Variants in HEATR1 observed in about 807,000 individuals in gnomAD.
HEATR1 encodes HEAT repeat-containing protein 1.
Under a neutral mutation model 248.2 loss-of-function variants are expected in HEATR1, and 77 were observed. That is an observed-to-expected ratio of 0.31 (90% CI 0.26 to 0.37). The LOEUF (loss-of-function observed/expected upper bound fraction) is 0.37, where lower values mean the gene tolerates loss of function less well. Ranked by LOEUF, HEATR1 falls within the 10% of genes least tolerant of loss-of-function variation. The pLI, the probability that HEATR1 is intolerant of heterozygous loss-of-function variation, is 1.00. For missense variants in HEATR1, 2,420 were observed against 2,504.9 expected (o/e 0.97, Z 0.72); for synonymous variants, 897 against 923.1 (o/e 0.97, Z 0.51).
In HEATR1 at chr1:236,604,132, A is replaced by C. The variant is rs568978734; in HGVS notation, c.-32-5T>G. The C allele has an allele frequency of 1.7e-5, 26 of 1,536,598 alleles. No individual in the cohort carries two copies. In the South Asian group the frequency reaches 2.4e-4, roughly 14 times the overall value. ...GCGGAGTTTTAATGACACGGGCTAA[A>C]AAAACGTAAGCACTTTGATAAGTTT... On this transcript the variant is annotated splice_polypyrimidine_tract_variant and splice_region_variant and intron_variant, in intron 1 of 44. Transcript: ENST00000366582.
intron 35 of HEATR1, 136 bp downstream of exon 35, chr1:236,558,859 C>CATGT (rs2103126113): frequency 1.3e-6 from 1 of 796,584 alleles, no homozygotes; most frequent in East Asian, 2.6e-5. Flanking sequence ...CATTTTAAAA[C>CATGT]ATGTCATGGT....
intron 32 of HEATR1, among the ~76,000 whole-genome samples, chr1:236,562,922 GAAT>G (rs201084338): frequency 0.019 from 2,051 of 109,366 alleles, 25 homozygotes; most frequent in Non-Finnish European, 0.037. Flanking sequence ...CTAATTTGAG[GAAT>G]AACAATATTA....
chr1:236,557,026 G>A (rs1662996767), intron 37 of HEATR1, among the ~76,000 whole-genome samples, 169 bp downstream of exon 37: 1 of 152,178 alleles, frequency 6.6e-6, no homozygotes, highest in Non-Finnish European at 1.5e-5. Flanking sequence ...CAAGGATGAT[G>A]GAAGAGAAAA....
chr1:236,575,047 G>T, intron 22 of HEATR1, 144 bp from the exon 23 acceptor site: 1 of 713,376 alleles, frequency 1.4e-6, no homozygotes, highest in Non-Finnish European at 2.3e-6. Context: ...TAGACATGGA[G>T]ACAGCTATTA....
At chr1:236,553,901 A>G (rs997978991) in intron 42 of HEATR1, among the ~76,000 whole-genome samples, 162 bp from the exon 43 acceptor site, 3 of 152,208 alleles carry the variant, frequency 2.0e-5, no homozygotes, top group African/African-American at 7.2e-5. Context: ...ATTGCCTTCT[A>G]GAACTCAAAT....
chr1:236,587,827 G>A, intron 13 of HEATR1, 121 bp downstream of exon 13: 1 of 656,836 alleles, frequency 1.5e-6, no homozygotes, highest in Non-Finnish European at 2.6e-6. Context: ...GCTCTCCAGA[G>A]AACAAATTTC....
intron 28 of HEATR1, among the ~76,000 whole-genome samples, chr1:236,570,474 T>C (rs1663397799): frequency 6.6e-6 from 1 of 151,928 alleles, no homozygotes; most frequent in Non-Finnish European, 1.5e-5. Flanking sequence ...GTGCTGGTGG[T>C]GACGGTGGCA....
chr1:236,582,266 G>A (rs10925165), intron 19 of HEATR1, among the ~76,000 whole-genome samples: 80,692 of 151,616 alleles, frequency 0.53, 23,494 homozygotes, highest in Non-Finnish European at 0.65. Context: ...CACCACACCC[G>A]GCTAATTTTT....
chr1:236,583,186 G>A lies in HEATR1; in HGVS notation c.2252C>T (p.Ser751Leu). Residue 751 changes from serine to leucine, a missense_variant, in exon 18 of 45, where the codon TCA (serine) becomes TTA (leucine). By Grantham distance (145) the Ser-to-Leu change is moderately radical. Transcript: ENST00000366582. ...ESVITAVEIP[S>L]EWHIELMLDR... ...TAACATCAGTTCAATGTGCCATTCT[G>A]AGGGGATTTCCTGAAATGTTAAAGG... is the stretch of plus-strand genomic sequence containing the variant. The A allele has an allele frequency of 6.3e-7, 1 of 1,588,668 alleles. No individual in the cohort carries two copies. Among genetic ancestry groups the A allele is most frequent in the Non-Finnish European group, 8.6e-7 (1 of 1,169,212 alleles).
chr1:236,593,359 C>T (rs1203455366), intron 9 of HEATR1, among the ~76,000 whole-genome samples: 1 of 152,076 alleles, frequency 6.6e-6, no homozygotes, highest in African/African-American at 2.4e-5. Flanking sequence ...AACATTACTA[C>T]ACGTGTATAC....
chr1:236,550,562 C>T lies in HEATR1; in HGVS notation c.*340G>A, dbSNP rs1231196932. Reference sequence around the variant, plus strand: ...TGCTGTACAGAAGAGTTAAGGCTTACAGTGCAAATGAGGCGTCAGCTTTGG... The same window carrying T: ...TGCTGTACAGAAGAGTTAAGGCTTATAGTGCAAATGAGGCGTCAGCTTTGG... On this transcript the variant is annotated 3_prime_UTR_variant, in exon 45 of 45. Coordinates refer to ENST00000366582, the MANE Select transcript of HEATR1 (RefSeq NM_018072.6). The T allele has an allele frequency of 1.4e-5, 3 of 221,028 alleles. No individual in the cohort carries two copies. The highest frequency in any genetic ancestry group is 2.3e-5 in the African/African-American group (1 of 43,738). 13.7% of individuals were successfully genotyped at this position (221,028 alleles called of 1,614,324 possible).
rs1662675117 is a variant in HEATR1, at chr1:236,550,426, G to A, written c.*476C>T. The A allele has an allele frequency of 6.6e-6, 1 of 152,568 alleles. No individual in the cohort carries two copies. 9.5% of individuals were successfully genotyped at this position (152,568 alleles called of 1,614,324 possible). A position where few individuals can be genotyped will look rare whatever the true frequency, so the allele number is the denominator to read the frequency against. ...GAAGTTCGCCTACCCAAAATGAAAAGTAGGCTTTACAGTCAAAAGTACTTC... is the reference window on the plus strand; with the variant it reads ...GAAGTTCGCCTACCCAAAATGAAAAATAGGCTTTACAGTCAAAAGTACTTC... On this transcript the variant is annotated 3_prime_UTR_variant, in exon 45 of 45. Transcript: ENST00000366582.
intron 15 of HEATR1, 89 bp downstream of exon 15, chr1:236,586,152 A>T (rs372590177): frequency 1.1e-5 from 1 of 92,030 alleles, no homozygotes; most frequent in Non-Finnish European, 1.8e-5. Flanking sequence ...ACTGGCATAT[A>T]AGCATGACCA....
chr1:236,597,065 C>T, intron 5 of HEATR1, 89 bp from the exon 6 acceptor site: 3 of 1,221,544 alleles, frequency 2.5e-6, no homozygotes, highest in Non-Finnish European at 3.4e-6. Context: ...GCTGAGATTT[C>T]AATGAACTAT....
At chr1:236,561,809 A>C (rs186972440) in intron 32 of HEATR1, among the ~76,000 whole-genome samples, 1 of 152,334 alleles carries the variant, frequency 6.6e-6, no homozygotes, top group East Asian at 1.9e-4. Context: ...ACTGCATATG[A>C]TATTCCTCTA....
intron 42 of HEATR1, 84 bp from the exon 43 acceptor site, chr1:236,553,823 T>G: frequency 2.9e-6 from 4 of 1,403,252 alleles, no homozygotes; most frequent in Non-Finnish European, 2.9e-6. Context: ...ACAAATATTT[T>G]ACTATCTTTC....
At chr1:236,569,555 A>C (rs1477370694) in intron 28 of HEATR1, among the ~76,000 whole-genome samples, 2 of 152,180 alleles carry the variant, frequency 1.3e-5, no homozygotes, top group Non-Finnish European at 2.9e-5. Context: ...CATTTCTTCA[A>C]AGAAAAAATT....
chr1:236,576,671 A>G lies in HEATR1; in HGVS notation c.2925+109T>C, dbSNP rs1483145927. The stretch of plus-strand genomic sequence containing the variant: ...ATTGACCTATCAGTTCCTAAATCCA[A>G]TGACTTAGTCCATCAAAATCCCTAC... On this transcript the variant is annotated intron_variant, in intron 21 of 44. Transcript: ENST00000366582. 7.8e-6 allele frequency: 8 copies of G among 1,027,374 alleles called. No homozygotes were observed. In the African/African-American group the frequency reaches 9.7e-5, roughly 12 times the overall value. The allele number at this position is 1,027,374 out of a possible 1,614,324, so 63.6% of individuals were successfully genotyped here.
chr1:236,562,792 C>T (rs80102833), intron 32 of HEATR1, among the ~76,000 whole-genome samples: 1,969 of 152,218 alleles, frequency 0.013, 40 homozygotes, highest in African/African-American at 0.046. Context: ...TTCTGTGTCC[C>T]TTCATATCTT....
Sources: allele counts gnomAD v4.1 joint callset (sites outside exome capture counted in the v4.1 genomes callset), GRCh38; gene constraint gnomAD v4.1.1; transcripts MANE v1.5; gene names NCBI Gene and HGNC (gene_info 2026-07-23, HGNC 2026-07-21).